Variants in CCDC3 observed in about 807,000 individuals in gnomAD.
CCDC3 encodes the protein coiled-coil domain containing 3.
In CCDC3, 24 loss-of-function variants were observed where a neutral mutation model predicts 21.4. The observed-to-expected ratio is 1.12, with a 90% CI of 0.81 to 1.58. The LOEUF is 1.58. CCDC3 is among the 40% of genes most tolerant of loss of function. CCDC3 has a pLI of 0.00. For synonymous variants in CCDC3, 186 were observed against 166.0 expected (o/e 1.12, Z -0.93); for missense variants, 425 against 360.9 (o/e 1.18, Z -1.44).
chr10:13,047,797 A>G (rs1836548243), intron 5 of CCDC3, among the ~76,000 whole-genome samples: 1 of 152,166 alleles, frequency 6.6e-6, no homozygotes, highest in Admixed American at 6.5e-5. Context: ...TGTGAACCAA[A>G]AAGCATCTGA....
chr10:13,069,890 A>G (rs370320896), intron 4 of CCDC3, among the ~76,000 whole-genome samples: 5 of 152,198 alleles, frequency 3.3e-5, no homozygotes, highest in African/African-American at 7.2e-5. Context: ...TTATTTACAG[A>G]TAATTGTCTT....
intron 2 of CCDC3, among the ~76,000 whole-genome samples, chr10:12,928,334 TA>T (rs1214001918): frequency 6.6e-6 from 1 of 152,118 alleles, no homozygotes; most frequent in Non-Finnish European, 1.5e-5. Context: ...AAGAATACAA[TA>T]AAAAATGCAA....
chr10:12,975,228 AG>A (rs1240333335), intron 2 of CCDC3, among the ~76,000 whole-genome samples: 1 of 152,092 alleles, frequency 6.6e-6, no homozygotes, highest in Non-Finnish European at 1.5e-5. Context: ...TCTTCTGTGT[AG>A]GGTCTTTGAC....
At chr10:13,048,520 C>T (rs1836562605) in intron 5 of CCDC3, among the ~76,000 whole-genome samples, 1 of 152,092 alleles carries the variant, frequency 6.6e-6, no homozygotes, top group African/African-American at 2.4e-5. Flanking sequence ...TCTCCTTTTA[C>T]ACTTGCACTT....
chr10:12,903,326 G>A (rs1430242670), intron 2 of CCDC3, among the ~76,000 whole-genome samples: 3 of 152,224 alleles, frequency 2.0e-5, no homozygotes, highest in African/African-American at 7.2e-5. Context: ...ATTTCTAGAG[G>A]AGAGCTGTGC....
chr10:12,909,991 C>T (rs933634189), intron 2 of CCDC3, among the ~76,000 whole-genome samples: 2 of 152,236 alleles, frequency 1.3e-5, no homozygotes, highest in South Asian at 2.1e-4. Flanking sequence ...CCTGGCCATC[C>T]GCCCTCCCGG....
chr10:12,930,099 G>T (rs1004733843), intron 2 of CCDC3, among the ~76,000 whole-genome samples: 1 of 152,146 alleles, frequency 6.6e-6, no homozygotes, highest in Non-Finnish European at 1.5e-5. Flanking sequence ...TTCCATAATT[G>T]CAGAGTTGAA....
rs1163587838 is a variant in CCDC3 at position 12,998,384 on chromosome 10, T to C, written c.503A>G (p.Gln168Arg). The C allele has an allele frequency of 4.3e-6, 7 of 1,614,094 alleles. No homozygotes were observed. In the Admixed American group the frequency reaches 1.0e-4, roughly 23 times the overall value. Reference protein sequence around the residue: ...FQFSNCSQGQQLATFSSDWEI... With the variant: ...FQFSNCSQGQRLATFSSDWEI... ...CCAGTCACTGGAGAAAGTCGCCAGC[T>C]GCTGCCCTTGCGAACAGTTTGAAAA... The change falls in exon 2 of 3, where the codon CAG becomes CGG. Residue 168 changes from glutamine to arginine, a missense_variant. Transcript: ENST00000378825.
At chr10:13,095,954 G>C (rs1316747435) in intron 3 of CCDC3, among the ~76,000 whole-genome samples, 1 of 152,114 alleles carries the variant, frequency 6.6e-6, no homozygotes, top group Non-Finnish European at 1.5e-5. Flanking sequence ...CTACTGGTCT[G>C]ATTTCTGTCT....
rs997252924 is a variant in CCDC3, at chr10:12,914,877, C to A, written c.550-16198G>T. The stretch of plus-strand genomic sequence containing the variant: ...CTCATTTATTATTATTTCTTTCCTT[C>A]TAACTTTGGGCTTAGTTTGTTCTTC... On this transcript the variant is annotated intron_variant, in intron 2 of 2. Coordinates refer to ENST00000378825, the MANE Select transcript of CCDC3 (RefSeq NM_031455.4). 1.4e-4 allele frequency among the ~76,000 whole-genome samples: 21 copies of A among 152,216 alleles called. 1 individual carries two copies. In the South Asian group the frequency reaches 2.9e-3, roughly 21 times the overall value.
chr10:12,916,069 C>A (rs558862261), intron 2 of CCDC3, among the ~76,000 whole-genome samples: 4 of 152,056 alleles, frequency 2.6e-5, no homozygotes, highest in African/African-American at 4.8e-5. Flanking sequence ...AGGCCTAAAC[C>A]CCTGGTCTGC....
At chr10:12,931,269 C>A (rs1390189447) in intron 2 of CCDC3, among the ~76,000 whole-genome samples, 1 of 147,332 alleles carries the variant, frequency 6.8e-6, no homozygotes, top group Non-Finnish European at 1.5e-5. Context: ...ATTCATAAGA[C>A]TTTAGGAATG....
At chr10:12,959,190 T>C (rs1835141690) in intron 2 of CCDC3, among the ~76,000 whole-genome samples, 1 of 145,658 alleles carries the variant, frequency 6.9e-6, no homozygotes, top group African/African-American at 2.5e-5. Flanking sequence ...TTTTTTGAGA[T>C]GGCACCTCGC....
At chr10:13,080,138 G>A (rs549702991) in intron 3 of CCDC3, among the ~76,000 whole-genome samples, 44 of 152,242 alleles carry the variant, frequency 2.9e-4, no homozygotes, top group South Asian at 2.3e-3. Context: ...GCAGCCGCAT[G>A]GATCCCACCC....
At chr10:13,024,542 C>T (rs185409608) in intron 5 of CCDC3, among the ~76,000 whole-genome samples, 13 of 152,290 alleles carry the variant, frequency 8.5e-5, no homozygotes, top group African/African-American at 3.1e-4. Context: ...CATCTTGAAA[C>T]CAAGGCCATT....
chr10:12,908,720 G>T (rs1233564833), intron 2 of CCDC3, among the ~76,000 whole-genome samples: 1 of 150,862 alleles, frequency 6.6e-6, no homozygotes, highest in East Asian at 2.0e-4. Flanking sequence ...AGCCTCCCAA[G>T]TAGCTGGAAC....
chr10:12,950,338 C>T (rs1211883022), intron 2 of CCDC3, among the ~76,000 whole-genome samples: 2 of 152,188 alleles, frequency 1.3e-5, no homozygotes, highest in African/African-American at 4.8e-5. Context: ...CTCCAAAGCA[C>T]CCTCCGGAAA....
chr10:12,963,647 C>A (rs1200825265), intron 2 of CCDC3, among the ~76,000 whole-genome samples: 1 of 130,878 alleles, frequency 7.6e-6, no homozygotes, highest in Non-Finnish European at 1.6e-5. Flanking sequence ...GTGGCATGAT[C>A]TTGGCTCACT....
chr10:13,043,995 T>C (rs545777495), intron 5 of CCDC3, among the ~76,000 whole-genome samples: 1 of 146,824 alleles, frequency 6.8e-6, no homozygotes, highest in Admixed American at 7.0e-5. Context: ...CATTCCCTTT[T>C]CTCTGAAGCC....
Sources: gnomAD v4.1 joint callset for allele counts (sites outside exome capture counted in the v4.1 genomes callset) on GRCh38, gnomAD v4.1.1 for gene constraint, MANE v1.5 for transcripts, NCBI Gene and HGNC (gene_info 2026-07-23, HGNC 2026-07-21) for gene names.